Variants in RS1 observed in about 807,000 individuals in gnomAD.
RS1 encodes the protein retinoschisin 1.
In RS1, 2 loss-of-function variants were observed where a neutral mutation model predicts 20.8. The observed-to-expected ratio is 0.10, with a 90% confidence interval of 0.04 to 0.30. RS1 has a LOEUF of 0.30. RS1 is among the 10% of genes least tolerant of loss of function. RS1 has a pLI of 1.00. For synonymous variants in RS1, 70 were observed against 75.8 expected (o/e 0.92, Z 0.40); for missense variants, 151 against 189.8 (o/e 0.80, Z 1.20).
chrX:18,670,524 G>A (rs1928476478), intron 1 of RS1, among the ~76,000 whole-genome samples: 3 of 110,893 alleles, frequency 2.7e-5, no homozygotes, highest in East Asian at 2.8e-4. Context: ...ACCGCGCCCC[G>A]CCGTCATACA....
chrX:18,658,621 A>AC (rs1222843125), intron 1 of RS1, among the ~76,000 whole-genome samples: 1 of 62,359 alleles, frequency 1.6e-5, no homozygotes, highest in Non-Finnish European at 4.3e-5. Context: ...ACACCTGGCT[A>AC]ATTTTTTGTA....
intron 1 of RS1, among the ~76,000 whole-genome samples, chrX:18,664,399 A>G (rs1184708282): frequency 2.7e-5 from 3 of 112,234 alleles, no homozygotes; most frequent in Non-Finnish European, 5.6e-5. Flanking sequence ...AGGCCGAGGC[A>G]GGCAGATCAC....
At chrX:18,655,876 G>A (rs1270258572) in intron 3 of RS1, among the ~76,000 whole-genome samples, 1 of 110,375 alleles carries the variant, frequency 9.1e-6, no homozygotes, top group Non-Finnish European at 1.9e-5. Flanking sequence ...CCAGAGTTCA[G>A]ATGTGACACA....
intron 1 of RS1, among the ~76,000 whole-genome samples, chrX:18,658,037 G>A (rs1481465826): frequency 9.0e-6 from 1 of 110,770 alleles, no homozygotes; most frequent in East Asian, 2.9e-4. Context: ...GGGCATGGTG[G>A]CACGCGCCTG....
intron 5 of RS1, among the ~76,000 whole-genome samples, chrX:18,643,846 A>G (rs775817408): frequency 4.4e-4 from 49 of 111,031 alleles, no homozygotes; most frequent in African/African-American, 1.5e-3. Context: ...ATATATATAT[A>G]TAGTCAGGAG....
chrX:18,646,403 C>A (rs749363784), intron 4 of RS1, among the ~76,000 whole-genome samples: 3 of 112,463 alleles, frequency 2.7e-5, no homozygotes, highest in East Asian at 5.6e-4. Context: ...ATCTGCCCCC[C>A]CTCGGCCTCC....
intron 1 of RS1, among the ~76,000 whole-genome samples, chrX:18,668,298 C>G (rs1928436482): frequency 8.9e-6 from 1 of 112,119 alleles, no homozygotes; most frequent in Non-Finnish European, 1.9e-5. Context: ...AAGGGCCACT[C>G]TGCTGTGAGG....
Position 18,645,653 on chromosome X carries a change from C to T in RS1, c.327-1028G>A, listed in dbSNP as rs551170299. Among the ~76,000 whole-genome samples, 229 of 111,363 alleles carry T rather than the reference C, an allele frequency of 2.1e-3. 1 individual carries two copies. Among genetic ancestry groups the T allele is most frequent in the Admixed American group, 8.5e-3 (88 of 10,412 alleles). On this transcript the variant is annotated intron_variant, in intron 4 of 5. Coordinates refer to ENST00000379984, the MANE Select transcript of RS1 (RefSeq NM_000330.4). Reference sequence around the variant, plus strand: ...CGTGTCCCCCTCTTTCTTCCCACACCTCAACTACTCTCCCTGGATTGCTCT... The same window carrying T: ...CGTGTCCCCCTCTTTCTTCCCACACTTCAACTACTCTCCCTGGATTGCTCT...
intron 3 of RS1, among the ~76,000 whole-genome samples, chrX:18,651,078 G>A (rs1383197003): frequency 4.5e-5 from 5 of 110,034 alleles, no homozygotes; most frequent in Admixed American, 9.7e-5. Context: ...GAAATCCATT[G>A]CCCCTCTATC....
At chrX:18,652,201 C>T (rs911336225) in intron 3 of RS1, among the ~76,000 whole-genome samples, 30 of 111,307 alleles carry the variant, frequency 2.7e-4, no homozygotes, top group African/African-American at 9.5e-4. Context: ...GAACACACAC[C>T]ATCGCCCCAT....
At chrX:18,667,762 T>A (rs2147207847) in intron 1 of RS1, among the ~76,000 whole-genome samples, 1 of 110,958 alleles carries the variant, frequency 9.0e-6, no homozygotes, top group East Asian at 2.8e-4. Context: ...CTGGGTGCAA[T>A]CCAATTTTGG....
chrX:18,649,492 A>C (rs1317879808), intron 3 of RS1, among the ~76,000 whole-genome samples: 4 of 111,867 alleles, frequency 3.6e-5, no homozygotes, highest in Non-Finnish European at 7.5e-5. Flanking sequence ...AGAGGCTAAA[A>C]ACAGGCCAGC....
intron 4 of RS1, among the ~76,000 whole-genome samples, chrX:18,646,747 G>A (rs1467028792): frequency 2.7e-5 from 3 of 110,869 alleles, no homozygotes; most frequent in Non-Finnish European, 5.7e-5. Flanking sequence ...TTTTGCACCT[G>A]CTGTACCCCA....
At chrX:18,650,933 A>G (rs1928001829) in intron 3 of RS1, among the ~76,000 whole-genome samples, 1 of 111,987 alleles carries the variant, frequency 8.9e-6, no homozygotes, top group South Asian at 3.7e-4. Flanking sequence ...CTATTTGGAG[A>G]TTGTAGAGTT....
At chrX:18,649,461 AGACG>A (rs1927936391) in intron 3 of RS1, among the ~76,000 whole-genome samples, 1 of 111,856 alleles carries the variant, frequency 8.9e-6, no homozygotes, top group Non-Finnish European at 1.9e-5. Context: ...ATGCTTGCAG[AGACG>A]GCCATGCCCT....
intron 5 of RS1, among the ~76,000 whole-genome samples, chrX:18,642,850 G>A (rs1426991457): frequency 9.1e-6 from 1 of 110,191 alleles, no homozygotes; most frequent in Non-Finnish European, 1.9e-5. Context: ...GACCAGCCTG[G>A]CCAACACACA....
At position 18,643,819 on chromosome X, in the gene RS1, A is replaced by C. The variant is rs745711223; in HGVS notation, c.522+611T>G. On this transcript the variant is annotated intron_variant, in intron 5 of 5. Coordinates refer to ENST00000379984, the MANE Select transcript of RS1 (RefSeq NM_000330.4). Reference sequence around the variant, plus strand: ...GCTAGGGAGTTTTTAATTCATTTTTATTCATAGCAAATATATATATATATA... The same window carrying C: ...GCTAGGGAGTTTTTAATTCATTTTTCTTCATAGCAAATATATATATATATA... Among the ~76,000 whole-genome samples, 6 of 107,936 alleles carry C rather than the reference A, an allele frequency of 5.6e-5. No homozygotes were observed. In the South Asian group the frequency reaches 1.2e-3, roughly 21 times the overall value. The allele number at this position is 107,936 out of a possible 115,157, so 93.7% of individuals were successfully genotyped here. A position where few individuals can be genotyped will look rare whatever the true frequency, so the allele number is the denominator to read the frequency against.
rs369123557 is a variant in RS1, at chrX:18,653,391, G to A, written c.184+3262C>T. On this transcript the variant is annotated intron_variant, in intron 3 of 5. Transcript: ENST00000379984. Reference sequence around the variant, plus strand: ...CCAGAGTGCACCTGCTAGCGCTCCTGGCAGCTCTGAGTGACCCCGCTGTCC... The same window carrying A: ...CCAGAGTGCACCTGCTAGCGCTCCTAGCAGCTCTGAGTGACCCCGCTGTCC... 5.0e-6 allele frequency: 6 copies of A among 1,201,502 alleles called. No homozygotes were observed. In the African/African-American group the frequency reaches 8.8e-5, roughly 18 times the overall value.
chrX:18,647,011 G>C (rs1372379861), intron 4 of RS1, among the ~76,000 whole-genome samples, 180 bp downstream of exon 4: 1 of 110,808 alleles, frequency 9.0e-6, no homozygotes, highest in East Asian at 2.8e-4. Flanking sequence ...CCGCTTCCCA[G>C]GTTCAAGCAA....
Sources: gnomAD v4.1 joint callset for allele counts (sites outside exome capture counted in the v4.1 genomes callset) on GRCh38, gnomAD v4.1.1 for gene constraint, MANE v1.5 for transcripts, NCBI Gene and HGNC (gene_info 2026-07-23, HGNC 2026-07-21) for gene names.